Variants in CLEC16A observed in about 807,000 individuals in gnomAD.
CLEC16A encodes the protein C-type lectin domain containing 16A.
Under a neutral mutation model 109.5 loss-of-function variants are expected in CLEC16A, and 51 were observed. The ratio of observed to expected loss-of-function variants is 0.47; its 90% CI spans 0.37 to 0.59. The LOEUF is 0.59. CLEC16A is among the 20% of genes least tolerant of loss of function. The probability of loss-of-function intolerance (pLI) is 0.00; values close to 1 mark genes in which losing one functional copy is unlikely to be tolerated. For synonymous variants in CLEC16A, 673 were observed against 564.2 expected (o/e 1.19, Z -2.73); for missense variants, 1,339 against 1,394.0 (o/e 0.96, Z 0.63).
At position 11,178,621 on chromosome 16, in the gene CLEC16A, T is replaced by TGC. The variant is rs1158107160; in HGVS notation, c.3094_3095dup (p.Ala1033ProfsTer80). 1 of 1,599,964 alleles carries TGC rather than the reference T, an allele frequency of 6.3e-7. No homozygotes were observed. Among genetic ancestry groups the TGC allele is most frequent in the Non-Finnish European group, 8.5e-7 (1 of 1,176,838 alleles). On this transcript the variant is annotated frameshift_variant, in exon 24 of 24. Coordinates refer to ENST00000409790, the MANE Select transcript of CLEC16A (RefSeq NM_015226.3). LOFTEE classifies it low-confidence loss of function (END_TRUNC). This position sits in a 1 kb window ranked among gnomAD's most constrained non-coding sequence, Gnocchi z 6.5. ...GCATGCCCCCGCTGTCCACGCCGGC[T>TGC]GCCGCCTGCACAGAGCCCGTGGGCG...
At chr16:11,146,835 A>G (rs958965146) in intron 22 of CLEC16A, among the ~76,000 whole-genome samples, 9 of 152,082 alleles carry the variant, frequency 5.9e-5, no homozygotes, top group Non-Finnish European at 1.2e-4. Context: ...TGTGTGCTAA[A>G]CATTGTTCAC....
rs778977107 is a variant in CLEC16A, at chr16:11,166,343, C to A, written c.2642-45C>A. 2.6e-6 allele frequency: 4 copies of A among 1,557,818 alleles called. No homozygotes were observed. In the South Asian group the frequency reaches 4.7e-5, roughly 18 times the overall value. On this transcript the variant is annotated intron_variant, in intron 22 of 23. Transcript: ENST00000409790. ...GAACCATGACATTGAGGCCCTCAGG[C>A]CTACTCTTTGCTTCCACTTGGTCAC...
At chr16:11,020,131 G>GTA in intron 11 of CLEC16A, 62 bp from the exon 12 acceptor site, 2 of 1,526,170 alleles carry the variant, frequency 1.3e-6, no homozygotes, top group Non-Finnish European at 1.8e-6. Context: ...ACATGAGCAT[G>GTA]TGTATAAATC....
At chr16:11,023,400 C>G (rs2046233137) in intron 12 of CLEC16A, among the ~76,000 whole-genome samples, 1 of 152,230 alleles carries the variant, frequency 6.6e-6, no homozygotes, top group South Asian at 2.1e-4. Flanking sequence ...TTATCCTACT[C>G]CTAAGTCTGG....
intron 13 of CLEC16A, among the ~76,000 whole-genome samples, chr16:11,034,962 C>A (rs556957278): frequency 6.6e-6 from 1 of 152,108 alleles, no homozygotes; most frequent in South Asian, 2.1e-4. Context: ...TCCTTGCACA[C>A]AGGAGCCGTC....
intron 14 of CLEC16A, chr16:11,042,022 G>T: frequency 2.0e-6 from 1 of 505,744 alleles, no homozygotes; most frequent in Non-Finnish European, 3.5e-6. Context: ...GTCAGTAAAG[G>T]GACTTCAGGG....
chr16:11,071,205 A>G (rs2152925767), intron 19 of CLEC16A: 1 of 152,252 alleles, frequency 6.6e-6, no homozygotes, highest in Admixed American at 6.5e-5. Flanking sequence ...TAAAACCAGT[A>G]CTAGTTTTGT....
intron 13 of CLEC16A, among the ~76,000 whole-genome samples, chr16:11,026,728 C>T (rs1184389414): frequency 6.8e-6 from 1 of 147,952 alleles, no homozygotes; most frequent in African/African-American, 2.5e-5. Context: ...AAGCTTTAGG[C>T]ATTGTGGGAA....
At chr16:10,970,146 C>T (rs2042711488) in intron 4 of CLEC16A, among the ~76,000 whole-genome samples, 2 of 152,226 alleles carry the variant, frequency 1.3e-5, no homozygotes, top group African/African-American at 4.8e-5. Context: ...TGTGGTTCAA[C>T]AGTATCAGCG....
At chr16:11,142,228 G>A (rs1191025177) in intron 22 of CLEC16A, among the ~76,000 whole-genome samples, 1 of 152,240 alleles carries the variant, frequency 6.6e-6, no homozygotes, top group Non-Finnish European at 1.5e-5. Flanking sequence ...GACCCCCACA[G>A]TCTGCTCAGT....
rs191291580 is a variant in CLEC16A, at chr16:11,140,228, C to G, written c.2641+14082C>G. On this transcript the variant is annotated intron_variant, in intron 22 of 23. Transcript: ENST00000409790. ...ACCTCACCGGCCCACAGCTGGGTCT[C>G]CGGTGCTGGGTTCCAGGCACACTCC... 8.6e-4 allele frequency among the ~76,000 whole-genome samples: 131 copies of G among 152,302 alleles called. 3 individuals carry two copies. In the East Asian group the frequency reaches 0.022, roughly 26 times the overall value.
intron 19 of CLEC16A, among the ~76,000 whole-genome samples, chr16:11,085,359 C>G (rs1018012558): frequency 1.3e-5 from 2 of 152,276 alleles, no homozygotes; most frequent in Admixed American, 6.5e-5. Context: ...GGAGAAAGCA[C>G]GCTTGCTTCA....
chr16:11,046,692 G>A (rs1159100340), intron 16 of CLEC16A, among the ~76,000 whole-genome samples: 2 of 152,182 alleles, frequency 1.3e-5, no homozygotes, highest in East Asian at 1.9e-4. Context: ...ACAAGGAGGC[G>A]AGAGGTGTAA....
At chr16:11,091,606 C>G (rs1419404840) in intron 19 of CLEC16A, among the ~76,000 whole-genome samples, 1 of 152,216 alleles carries the variant, frequency 6.6e-6, no homozygotes, top group Non-Finnish European at 1.5e-5. Flanking sequence ...CAGAGTCTGA[C>G]CGCCAGCATT....
At chr16:11,168,514 T>C (rs1403877919) in intron 23 of CLEC16A, among the ~76,000 whole-genome samples, 1 of 152,252 alleles carries the variant, frequency 6.6e-6, no homozygotes, top group Non-Finnish European at 1.5e-5. Flanking sequence ...TGTCTGGCTC[T>C]GCAGACACTG....
intron 17 of CLEC16A, among the ~76,000 whole-genome samples, chr16:11,048,899 T>A (rs2047778099): frequency 6.6e-6 from 1 of 152,110 alleles, no homozygotes; most frequent in South Asian, 2.1e-4. Context: ...AATGTCAGGC[T>A]TCTATGGCAC....
rs143681381 is a variant in CLEC16A, at chr16:10,981,125, G to A, written c.957+1743G>A. 1.5e-3 allele frequency among the ~76,000 whole-genome samples: 234 copies of A among 152,312 alleles called. 1 individual carries two copies. Among genetic ancestry groups the A allele is most frequent in the Middle Eastern group, 0.014 (4 of 294 alleles). On this transcript the variant is annotated intron_variant, in intron 9 of 23. Coordinates refer to ENST00000409790, the MANE Select transcript of CLEC16A (RefSeq NM_015226.3). ...GAAATGAGCACTGTGTGTGTCCACA[G>A]GCAGGAATTGGTTGCTTTGTTCAGG...
chr16:11,137,818 G>A (rs1380641879), intron 22 of CLEC16A, among the ~76,000 whole-genome samples: 1 of 151,978 alleles, frequency 6.6e-6, no homozygotes, highest in African/African-American at 2.4e-5. Context: ...CAAAAAAAAG[G>A]GAAATGCAAA....
At chr16:11,095,417 G>A (rs1372362899) in intron 19 of CLEC16A, among the ~76,000 whole-genome samples, 1 of 152,138 alleles carries the variant, frequency 6.6e-6, no homozygotes, top group Non-Finnish European at 1.5e-5. Flanking sequence ...CTCTCCACGG[G>A]CCAGCTCTGG....
Sources: allele counts gnomAD v4.1 joint callset (sites outside exome capture counted in the v4.1 genomes callset), GRCh38; gene constraint gnomAD v4.1.1; non-coding constraint Gnocchi (gnomAD v3.1); transcripts MANE v1.5; gene names NCBI Gene and HGNC (gene_info 2026-07-23, HGNC 2026-07-21).